The following ITPR3 variants were observed in gnomAD, a reference collection of about 807,000 sequenced individuals.
ITPR3 encodes inositol 1,4,5-trisphosphate receptor type 3.
ITPR3 carries 173 observed loss-of-function variants against 293.2 expected under a neutral mutation model. The observed-to-expected ratio is 0.59, with a 90% CI of 0.52 to 0.67. The LOEUF (loss-of-function observed/expected upper bound fraction) is 0.67, where lower values mean the gene tolerates loss of function less well. ITPR3 is among the 30% of genes least tolerant of loss of function. The probability of loss-of-function intolerance (pLI) is 0.00; values close to 1 mark genes in which losing one functional copy is unlikely to be tolerated. For missense variants in ITPR3, 2,796 were observed against 3,592.1 expected, an observed-to-expected ratio of 0.78 and a Z score of 5.66; for synonymous variants, 1,295 against 1,444.4, an observed-to-expected ratio of 0.90 and a Z score of 2.35.
chr6:33,659,373 T>C, intron 6 of ITPR3, 93 bp from the exon 7 acceptor site: 2 of 1,174,210 alleles, frequency 1.7e-6, no homozygotes, highest in South Asian at 2.6e-5. Flanking sequence ...TGTGCTGTAA[T>C]GGTGGCTGGG....
In ITPR3 at chr6:33,664,981, T is replaced by TGGGGTG; in HGVS notation, c.1248+22_1248+27dup. ...CCATCCGGCTCATGGTGCGTGTCCC[T>TGGGGTG]GGGGTGGGGGTGGGGCTGGGGCCAG... On this transcript the variant is annotated intron_variant, in intron 12 of 57. Coordinates refer to ENST00000605930, the MANE Select transcript of ITPR3 (RefSeq NM_002224.4). This position sits in a 1 kb window ranked among gnomAD's most constrained non-coding sequence, Gnocchi z 4.4. 1.5e-6 allele frequency: 1 copy of TGGGGTG among 661,168 alleles called. No homozygotes were observed. Among genetic ancestry groups the TGGGGTG allele is most frequent in the Non-Finnish European group, 2.5e-6 (1 of 393,898 alleles). 41.0% of individuals were successfully genotyped at this position (661,168 alleles called of 1,614,324 possible).
chr6:33,668,527 CCTCT>C lies in ITPR3; in HGVS notation c.1902_1905del (p.Ser635ThrfsTer38). 6.2e-7 allele frequency: 1 copy of C among 1,614,190 alleles called. No homozygotes were observed. The highest frequency in any genetic ancestry group is 8.5e-7 in the Non-Finnish European group (1 of 1,180,008). On this transcript the variant is annotated frameshift_variant, in exon 17 of 58. Coordinates refer to ENST00000605930, the MANE Select transcript of ITPR3 (RefSeq NM_002224.4). LOFTEE classifies it high-confidence loss of function. ...GTCACCACCCCAGGTTCCTGGACTA[CCTCT>C]CTGACCTGTGTGTGTCCAACCACAT...
At chr6:33,636,042 T>G (rs1285678449) in intron 1 of ITPR3, among the ~76,000 whole-genome samples, 1 of 148,334 alleles carries the variant, frequency 6.7e-6, no homozygotes, top group Non-Finnish European at 1.5e-5. Context: ...ATCCCAGCAC[T>G]TTGGGAGGCC....
At chr6:33,630,542 GTCTT>G (rs956776997) in intron 1 of ITPR3, among the ~76,000 whole-genome samples, 2 of 152,278 alleles carry the variant, frequency 1.3e-5, no homozygotes, top group African/African-American at 2.4e-5. Flanking sequence ...CCTGCTCCCT[GTCTT>G]TCTTCTCCTT....
chr6:33,621,413 C>G lies in ITPR3; in HGVS notation c.-190C>G. 1 of 414,990 alleles carries G rather than the reference C, an allele frequency of 2.4e-6. No homozygotes were observed. 25.7% of individuals were successfully genotyped at this position (414,990 alleles called of 1,614,324 possible). Reference sequence around the variant, plus strand: ...GCCAAGACGTGGGCACCTCCTCACCCGGACCCCGGGCCCCGCCGAGCCGCC... The same window carrying G: ...GCCAAGACGTGGGCACCTCCTCACCGGGACCCCGGGCCCCGCCGAGCCGCC... On this transcript the variant is annotated 5_prime_UTR_variant, in exon 1 of 58. Coordinates refer to ENST00000605930, the MANE Select transcript of ITPR3 (RefSeq NM_002224.4). The surrounding 1 kb of genome is among the most constrained non-coding windows in gnomAD (Gnocchi z 7.7).
In ITPR3 at chr6:33,665,943, G is replaced by A. The variant is rs1764598119; in HGVS notation, c.1518G>A (p.Gln506=). 3 of 1,613,536 alleles carry A rather than the reference G, an allele frequency of 1.9e-6. No individual in the cohort carries two copies. In the African/African-American group the frequency reaches 4.0e-5, roughly 21 times the overall value. ...TCACTAAGCCCAACCGGGAACGGCA[G>A]AAGCTGATGAGGGAGCAGAACATCC... ...IMVTKPNRER[Q]KLMREQNILK... is the part of the protein sequence containing the mutation. The change falls in exon 14 of 58, where the codon CAG becomes CAA. Residue 506 remains glutamine, a synonymous_variant. Coordinates refer to ENST00000605930, the MANE Select transcript of ITPR3 (RefSeq NM_002224.4).
In ITPR3 at chr6:33,667,650, A is replaced by G; in HGVS notation, c.1714-142A>G. 1.1e-6 allele frequency: 1 copy of G among 902,392 alleles called. No individual in the cohort carries two copies. Among genetic ancestry groups the G allele is most frequent in the South Asian group, 1.7e-5 (1 of 57,366 alleles). The allele number at this position is 902,392 out of a possible 1,614,324, so 55.9% of individuals were successfully genotyped here. On this transcript the variant is annotated intron_variant, in intron 15 of 57. Coordinates refer to ENST00000605930, the MANE Select transcript of ITPR3 (RefSeq NM_002224.4). The surrounding 1 kb of genome is among the most constrained non-coding windows in gnomAD (Gnocchi z 4.4). ...TGTAATGTAAGCCACTCTTCTGCCCAGCGATGCTTCCTTTCCTGGACCTCT... is the reference window on the plus strand; with the variant it reads ...TGTAATGTAAGCCACTCTTCTGCCCGGCGATGCTTCCTTTCCTGGACCTCT...
rs374627810 is a variant in ITPR3 at position 33,691,042 on chromosome 6, C to G, written c.7158C>G (p.Val2386=). ...TCCTGGTCTACCTCTTCTCCATCGT[C>G]GGCTTCCTCTTCCTCAAGGATGACT... is the stretch of plus-strand genomic sequence containing the variant. ...ALILVYLFSI[V]GFLFLKDDFI... Residue 2386 remains valine, a synonymous_variant, in exon 52 of 58, where the codon GTC becomes GTG. Transcript: ENST00000605930. The surrounding 1 kb of genome is among the most constrained non-coding windows in gnomAD (Gnocchi z 4.9). The G allele has an allele frequency of 1.9e-6, 3 of 1,614,202 alleles. No homozygotes were observed. In the East Asian group the frequency reaches 6.7e-5, roughly 36 times the overall value.
At chr6:33,695,198 C>A in intron 57 of ITPR3, 113 bp downstream of exon 57, 1 of 1,226,716 alleles carries the variant, frequency 8.2e-7, no homozygotes, top group Non-Finnish European at 1.1e-6. Flanking sequence ...GGCCCTGGGC[C>A]TGGATGAGAA....
chr6:33,645,756 T>C (rs537099911), intron 2 of ITPR3, among the ~76,000 whole-genome samples: 4 of 152,332 alleles, frequency 2.6e-5, no homozygotes, highest in African/African-American at 9.6e-5. Context: ...CTTACTGTGG[T>C]TTTAATTTAC....
intron 17 of ITPR3, 148 bp from the exon 18 acceptor site, chr6:33,668,826 A>G: frequency 8.5e-7 from 1 of 1,173,270 alleles, no homozygotes; most frequent in Non-Finnish European, 1.2e-6. Context: ...ACAGAAAAGA[A>G]TGAGCCACGG....
At chr6:33,661,584 C>T (rs747422776) in intron 7 of ITPR3, among the ~76,000 whole-genome samples, 3 of 152,138 alleles carry the variant, frequency 2.0e-5, no homozygotes, top group Admixed American at 6.6e-5. Context: ...GACTTCATCA[C>T]GCATATTATA....
intron 3 of ITPR3, among the ~76,000 whole-genome samples, chr6:33,656,897 G>A (rs2127259408): frequency 6.6e-6 from 1 of 152,382 alleles, no homozygotes; most frequent in South Asian, 2.1e-4. Context: ...GGGCTGGAGA[G>A]AGGGAGCTGC....
intron 1 of ITPR3, among the ~76,000 whole-genome samples, chr6:33,627,148 A>C (rs1490368389): frequency 6.6e-6 from 1 of 152,192 alleles, no homozygotes; most frequent in East Asian, 1.9e-4. Flanking sequence ...AGAAGATGTT[A>C]GACTTCTGTT....
rs1460131340 is a variant in ITPR3 at position 33,638,601 on chromosome 6, GC to G, written c.90-1881del. Among the ~76,000 whole-genome samples the G allele has an allele frequency of 6.6e-6, 1 of 152,208 alleles. No individual in the cohort carries two copies. Among genetic ancestry groups the G allele is most frequent in the Non-Finnish European group, 1.5e-5 (1 of 68,040 alleles). On this transcript the variant is annotated intron_variant, in intron 1 of 57. Transcript: ENST00000605930. This position sits in a 1 kb window ranked among gnomAD's most constrained non-coding sequence, Gnocchi z 4.3. Reference sequence around the variant, plus strand: ...AAATCTAAACATTGTAACTCTTCTTGCCTTTATCACTTAGGAAGTTACAAGG... The same window carrying G: ...AAATCTAAACATTGTAACTCTTCTTGCTTTATCACTTAGGAAGTTACAAGG...
rs993222639 is a variant in ITPR3 at position 33,692,994 on chromosome 6, T to C, written c.7624+101T>C. ...TGGCCCTTCCTGCCCTGGGGAACCCTGGCCCGGAGCTGATGACTTGATGCA... is the reference window on the plus strand; with the variant it reads ...TGGCCCTTCCTGCCCTGGGGAACCCCGGCCCGGAGCTGATGACTTGATGCA... On this transcript the variant is annotated intron_variant, in intron 55 of 57. Transcript: ENST00000605930. This position sits in a 1 kb window ranked among gnomAD's most constrained non-coding sequence, Gnocchi z 4.2. 34 of 1,222,038 alleles carry C rather than the reference T, an allele frequency of 2.8e-5. No homozygotes were observed. In the African/African-American group the frequency reaches 4.6e-4, roughly 17 times the overall value. The allele number at this position is 1,222,038 out of a possible 1,614,324, so 75.7% of individuals were successfully genotyped here.
chr6:33,657,884 A>G (rs1764351598), intron 3 of ITPR3, 48 bp from the exon 4 acceptor site: 1 of 1,540,548 alleles, frequency 6.5e-7, no homozygotes, highest in Non-Finnish European at 8.9e-7. Context: ...GTCTTCCTCT[A>G]GGAGCAGCTT....
chr6:33,681,140 C>T (rs1468919581), intron 33 of ITPR3, among the ~76,000 whole-genome samples: 1 of 152,160 alleles, frequency 6.6e-6, no homozygotes, highest in African/African-American at 2.4e-5. Context: ...GTTATCTATA[C>T]CGTGTTAACA....
intron 2 of ITPR3, among the ~76,000 whole-genome samples, chr6:33,641,874 T>C (rs1244527957): frequency 1.3e-5 from 2 of 152,144 alleles, no homozygotes; most frequent in Non-Finnish European, 2.9e-5. Flanking sequence ...CAATACAAAA[T>C]CGCACTGCTG....
Sources: gnomAD v4.1 joint callset for allele counts (sites outside exome capture counted in the v4.1 genomes callset) on GRCh38, gnomAD v4.1.1 for gene constraint, Gnocchi (gnomAD v3.1) non-coding constraint, MANE v1.5 for transcripts, NCBI Gene and HGNC (gene_info 2026-07-23, HGNC 2026-07-21) for gene names.